PSPH: variants seen among roughly 807,000 people sequenced by gnomAD.
PSPH encodes the protein L-3-phosphoserine phosphatase.
PSPH carries 16 observed loss-of-function variants against 23.4 expected under a neutral mutation model. The ratio of observed to expected loss-of-function variants is 0.68; its 90% confidence interval spans 0.46 to 1.04. The LOEUF is 1.04. PSPH is among the 50% of genes least tolerant of loss of function. PSPH has a pLI of 0.00. For synonymous variants in PSPH, 68 were observed against 99.7 expected (o/e 0.68, Z 1.89); for missense variants, 223 against 273.7 (o/e 0.81, Z 1.31).
In PSPH at chr7:56,011,514, G is replaced by C. The variant is rs1487107133; in HGVS notation, c.*248C>G. The C allele has an allele frequency of 6.1e-6, 2 of 330,314 alleles. No individual in the cohort carries two copies. The highest frequency in any genetic ancestry group is 1.1e-5 in the Non-Finnish European group (2 of 183,930). The allele number at this position is 330,314 out of a possible 1,614,324, so 20.5% of individuals were successfully genotyped here. On this transcript the variant is annotated 3_prime_UTR_variant, in exon 8 of 8. Coordinates refer to ENST00000275605, the MANE Select transcript of PSPH (RefSeq NM_004577.4). Reference sequence around the variant, plus strand: ...ACTGCACTCCAGCCTGGGCAACAGAGCAAGATTCTGTCTCAAAAAAAAAAA... The same window carrying C: ...ACTGCACTCCAGCCTGGGCAACAGACCAAGATTCTGTCTCAAAAAAAAAAA...
At position 56,025,280 on chromosome 7, in the gene PSPH, C is replaced by T. The variant is rs533958821; in HGVS notation, c.-19-4049G>A. Among the ~76,000 whole-genome samples, 109 of 151,182 alleles carry T rather than the reference C, an allele frequency of 7.2e-4. 1 individual carries two copies. The Middle Eastern group carries it at 0.014, about 19-fold the overall frequency. On this transcript the variant is annotated intron_variant, in intron 3 of 7. Transcript: ENST00000275605. The stretch of plus-strand genomic sequence containing the variant: ...ACATGCACACACATACACACACACA[C>T]ATTTTTTTTTATTTTGAGTTAGGGC...
intron 3 of PSPH, among the ~76,000 whole-genome samples, chr7:56,031,181 G>T (rs369279659): frequency 1.3e-5 from 2 of 150,510 alleles, no homozygotes; most frequent in African/African-American, 2.4e-5. Context: ...ACTGCAGTCC[G>T]CAGTCTGGCC....
intron 1 of PSPH, among the ~76,000 whole-genome samples, chr7:56,046,249 G>A (rs1010158830): frequency 6.6e-6 from 1 of 152,078 alleles, no homozygotes; most frequent in African/African-American, 2.4e-5. Context: ...CTATTCTCCT[G>A]CCTCAGCCTC....
intron 1 of PSPH, among the ~76,000 whole-genome samples, chr7:56,046,510 G>C (rs1250148546): frequency 6.6e-6 from 1 of 152,082 alleles, no homozygotes; most frequent in East Asian, 1.9e-4. Context: ...GGATGGCTTT[G>C]CACGGTGGCT....
intron 5 of PSPH, 59 bp from the exon 6 acceptor site, chr7:56,017,438 A>C (rs1049847399): frequency 1.1e-5 from 17 of 1,557,618 alleles, no homozygotes; most frequent in South Asian, 3.6e-5. Context: ...AAAAAAAAAA[A>C]AACGAAACAT....
intron 1 of PSPH, among the ~76,000 whole-genome samples, chr7:56,044,045 C>T (rs1792911013): frequency 6.6e-6 from 1 of 152,176 alleles, no homozygotes; most frequent in African/African-American, 2.4e-5. Flanking sequence ...CAACTGTCGC[C>T]TCGTAGGTTC....
At chr7:56,017,864 A>C (rs1195456109) in intron 5 of PSPH, among the ~76,000 whole-genome samples, 1 of 151,962 alleles carries the variant, frequency 6.6e-6, no homozygotes, top group Non-Finnish European at 1.5e-5. Context: ...CTGGGACAAC[A>C]GATGCGCACC....
chr7:56,042,198 G>A (rs1164265836), intron 1 of PSPH, among the ~76,000 whole-genome samples: 66 of 132,480 alleles, frequency 5.0e-4, no homozygotes, highest in African/African-American at 1.9e-3. Context: ...CAGCCTGGGC[G>A]ACAGAGCGAG....
intron 5 of PSPH, among the ~76,000 whole-genome samples, 178 bp from the exon 6 acceptor site, chr7:56,017,557 C>A (rs1562787353): frequency 6.9e-6 from 1 of 145,872 alleles, no homozygotes; most frequent in African/African-American, 2.5e-5. Flanking sequence ...TTTTCTTTTT[C>A]TTTTTTTTTT....
chr7:56,032,442 C>T (rs761795175), intron 2 of PSPH, among the ~76,000 whole-genome samples: 68 of 151,668 alleles, frequency 4.5e-4, no homozygotes, highest in Admixed American at 1.1e-3. Flanking sequence ...GGGCGGATCA[C>T]GAGGTCAGAT....
chr7:56,042,218 C>CAAAAAA (rs34436132), intron 1 of PSPH, among the ~76,000 whole-genome samples: 1 of 66,406 alleles, frequency 1.5e-5, no homozygotes, highest in East Asian at 3.7e-4. Context: ...GATTCTGTCT[C>CAAAAAA]AAAAAAAAAA....
chr7:56,048,107 C>A (rs1256143136), intron 1 of PSPH, among the ~76,000 whole-genome samples: 1 of 151,864 alleles, frequency 6.6e-6, no homozygotes, highest in Non-Finnish European at 1.5e-5. Flanking sequence ...GGTGAAACCC[C>A]ATTTCTACTA....
chr7:56,037,079 C>CA (rs1791822289), intron 1 of PSPH, among the ~76,000 whole-genome samples: 1 of 150,210 alleles, frequency 6.7e-6, no homozygotes. Context: ...GAGGCTGAAG[C>CA]AGGAGAATCA....
intron 3 of PSPH, among the ~76,000 whole-genome samples, chr7:56,025,534 C>T (rs1343565053): frequency 6.6e-6 from 1 of 152,022 alleles, no homozygotes; most frequent in Non-Finnish European, 1.5e-5. Context: ...GCTGGAACTA[C>T]AGGCGTGAGC....
intron 3 of PSPH, among the ~76,000 whole-genome samples, chr7:56,023,207 A>G (rs1340049217): frequency 6.6e-6 from 1 of 152,150 alleles, no homozygotes; most frequent in Non-Finnish European, 1.5e-5. Context: ...AGGTACAGGA[A>G]GAAACTCTGG....
At chr7:56,022,462 G>A (rs1226283742) in intron 3 of PSPH, among the ~76,000 whole-genome samples, 1 of 152,156 alleles carries the variant, frequency 6.6e-6, no homozygotes, top group Non-Finnish European at 1.5e-5. Context: ...GGGAGGAGAG[G>A]GAGCGGGGGT....
intron 1 of PSPH, among the ~76,000 whole-genome samples, chr7:56,040,625 C>G (rs1562825695): frequency 2.0e-5 from 3 of 151,876 alleles, no homozygotes; most frequent in East Asian, 1.9e-4. Context: ...CCTTCCTCCT[C>G]CTAGAAATTA....
intron 1 of PSPH, among the ~76,000 whole-genome samples, chr7:56,045,454 CTCTA>C (rs1201678333): frequency 6.6e-6 from 1 of 152,056 alleles, no homozygotes; most frequent in Non-Finnish European, 1.5e-5. Context: ...CAGAGTGAGA[CTCTA>C]TCTCTTAAAA....
intron 1 of PSPH, among the ~76,000 whole-genome samples, chr7:56,035,836 T>C (rs1371066266): frequency 3.3e-5 from 5 of 151,906 alleles, no homozygotes; most frequent in South Asian, 2.1e-4. Flanking sequence ...GCCAGGCTGG[T>C]CTCAAACTCC....
Sources: gnomAD v4.1 joint callset for allele counts (sites outside exome capture counted in the v4.1 genomes callset) on GRCh38, gnomAD v4.1.1 for gene constraint, MANE v1.5 for transcripts, NCBI Gene and HGNC (gene_info 2026-07-23, HGNC 2026-07-21) for gene names.